Variants in RAB3C observed in about 807,000 individuals in gnomAD.
RAB3C encodes the protein ras-related protein Rab-3C.
A neutral mutation model predicts 26.4 loss-of-function variants in RAB3C; 17 were observed. The observed-to-expected ratio is 0.64, with a 90% CI of 0.44 to 0.97. The LOEUF (loss-of-function observed/expected upper bound fraction) is 0.97. Ranked by LOEUF, RAB3C falls within the 50% of genes least tolerant of loss-of-function variation. The pLI is 0.00. For missense variants in RAB3C, 242 were observed against 281.9 expected, an observed-to-expected ratio of 0.86 and a Z score of 1.01; for synonymous variants, 91 against 95.9, an observed-to-expected ratio of 0.95 and a Z score of 0.30.
intron 2 of RAB3C, among the ~76,000 whole-genome samples, chr5:58,700,456 G>A (rs1748818045): frequency 6.6e-6 from 1 of 152,090 alleles, no homozygotes; most frequent in African/African-American, 2.4e-5. Context: ...TACTGAATAG[G>A]TAACATCCAG....
intron 3 of RAB3C, among the ~76,000 whole-genome samples, chr5:58,737,394 AATATATATATATATATATATAT>A (rs55691242): frequency 0.027 from 1,019 of 38,266 alleles, 55 homozygotes; most frequent in African/African-American, 0.059. Flanking sequence ...CACCCTATGA[AATATATATATATATATATATAT>A]ATATATATAT....
intron 3 of RAB3C, among the ~76,000 whole-genome samples, chr5:58,734,034 G>A (rs1357942130): frequency 6.6e-6 from 1 of 152,104 alleles, no homozygotes; most frequent in Non-Finnish European, 1.5e-5. Flanking sequence ...TTTTTTAAGA[G>A]CAGGAACTCT....
chr5:58,819,874 A>T (rs1743300734), intron 3 of RAB3C, among the ~76,000 whole-genome samples: 1 of 152,166 alleles, frequency 6.6e-6, no homozygotes, highest in African/African-American at 2.4e-5. Context: ...CCTCAAAAAA[A>T]ACTGTGACAT....
intron 2 of RAB3C, among the ~76,000 whole-genome samples, chr5:58,716,361 C>T (rs775402384): frequency 2.0e-5 from 3 of 151,912 alleles, no homozygotes; most frequent in Non-Finnish European, 4.4e-5. Flanking sequence ...AAACAGAAAG[C>T]CAAAGTAAAA....
chr5:58,646,560 G>A (rs1169536190), intron 2 of RAB3C, among the ~76,000 whole-genome samples: 2 of 151,980 alleles, frequency 1.3e-5, no homozygotes, highest in African/African-American at 4.8e-5. Flanking sequence ...GCCTGCTGTG[G>A]GGTTAGAGTG....
intron 2 of RAB3C, among the ~76,000 whole-genome samples, chr5:58,692,207 TCA>T (rs1231659036): frequency 7.9e-5 from 12 of 152,214 alleles, no homozygotes; most frequent in Admixed American, 7.9e-4. Context: ...CATTTTTATC[TCA>T]GTGTTTTATA....
chr5:58,599,396 G>GA (rs1746401024), intron 1 of RAB3C, among the ~76,000 whole-genome samples: 1 of 152,114 alleles, frequency 6.6e-6, no homozygotes, highest in Non-Finnish European at 1.5e-5. Context: ...ATCTAGTCCT[G>GA]AGCTTCAGGA....
At chr5:58,648,857 A>T (rs1747583013) in intron 2 of RAB3C, among the ~76,000 whole-genome samples, 1 of 152,132 alleles carries the variant, frequency 6.6e-6, no homozygotes, top group Admixed American at 6.5e-5. Context: ...CTCCTGGGGG[A>T]CAGTTCTCCT....
intron 3 of RAB3C, among the ~76,000 whole-genome samples, chr5:58,815,096 GCATTTTT>G (rs1431606630): frequency 2.0e-5 from 3 of 152,072 alleles, no homozygotes; most frequent in Non-Finnish European, 4.4e-5. Flanking sequence ...GCATATTGAA[GCATTTTT>G]GGTTTTTCCA....
intron 3 of RAB3C, among the ~76,000 whole-genome samples, chr5:58,820,323 G>T (rs1488590496): frequency 6.6e-6 from 1 of 152,048 alleles, no homozygotes; most frequent in Admixed American, 6.6e-5. Context: ...TTGTAAAATA[G>T]TTTTGATCCT....
chr5:58,706,752 C>T (rs1748951925), intron 2 of RAB3C, among the ~76,000 whole-genome samples: 1 of 152,182 alleles, frequency 6.6e-6, no homozygotes, highest in Non-Finnish European at 1.5e-5. Context: ...TCATTCTTAA[C>T]ATTCTTATGT....
intron 3 of RAB3C, among the ~76,000 whole-genome samples, chr5:58,792,842 T>A (rs1014585206): frequency 1.3e-5 from 2 of 151,792 alleles, no homozygotes; most frequent in African/African-American, 2.4e-5. Context: ...AATAAAAGAT[T>A]TATATATATA....
chr5:58,708,475 A>T (rs900995986), intron 2 of RAB3C, among the ~76,000 whole-genome samples: 4 of 152,172 alleles, frequency 2.6e-5, no homozygotes, highest in African/African-American at 7.2e-5. Flanking sequence ...CATGATCATC[A>T]TGCCTGGCAT....
intron 3 of RAB3C, among the ~76,000 whole-genome samples, chr5:58,752,032 C>T (rs73104318): frequency 0.02 from 2,986 of 151,780 alleles, 103 homozygotes; most frequent in African/African-American, 0.069. Flanking sequence ...CCAGACTTGC[C>T]TAAACTGTTA....
Position 58,851,445 on chromosome 5 carries a change from A to G in RAB3C, c.*94A>G, listed in dbSNP as rs1055274928. 6.9e-6 allele frequency: 7 copies of G among 1,009,228 alleles called. No individual in the cohort carries two copies. In the African/African-American group the frequency reaches 1.1e-4, roughly 16 times the overall value. 62.5% of individuals were successfully genotyped at this position (1,009,228 alleles called of 1,614,324 possible). A position where few individuals can be genotyped will look rare whatever the true frequency, so the allele number is the denominator to read the frequency against. On this transcript the variant is annotated 3_prime_UTR_variant, in exon 5 of 5. Transcript: ENST00000282878. Reference sequence around the variant, plus strand: ...TTAGCCTTCATTTATACTGCCTAACAATTATTTGAAGGAATAAATTGATGT... The same window carrying G: ...TTAGCCTTCATTTATACTGCCTAACGATTATTTGAAGGAATAAATTGATGT...
rs1744137947 is a variant in RAB3C at position 58,852,624 on chromosome 5, C to T, written c.*1273C>T. The T allele has an allele frequency of 6.6e-6, 1 of 152,026 alleles. No individual in the cohort carries two copies. The highest frequency in any genetic ancestry group is 2.1e-4 in the South Asian group (1 of 4,818). 9.4% of individuals were successfully genotyped at this position (152,026 alleles called of 1,614,324 possible). A position where few individuals can be genotyped will look rare whatever the true frequency, so the allele number is the denominator to read the frequency against. The stretch of plus-strand genomic sequence containing the variant: ...ATAGCAATTTAAAAGAGGGAGGAAA[C>T]CACTGGAGCATTCTAATTTTGTATC... On this transcript the variant is annotated 3_prime_UTR_variant, in exon 5 of 5. Transcript: ENST00000282878.
chr5:58,791,674 T>C (rs1280440839), intron 3 of RAB3C, among the ~76,000 whole-genome samples: 1 of 152,244 alleles, frequency 6.6e-6, no homozygotes, highest in Admixed American at 6.5e-5. Context: ...TTTGATTTCA[T>C]AAATAAAGAT....
intron 2 of RAB3C, among the ~76,000 whole-genome samples, chr5:58,641,845 C>G (rs1747418807): frequency 6.6e-6 from 1 of 152,144 alleles, no homozygotes; most frequent in African/African-American, 2.4e-5. Context: ...TGTTCTTTTT[C>G]TCCACTTTTT....
chr5:58,796,919 T>A (rs1742667848), intron 3 of RAB3C, among the ~76,000 whole-genome samples: 1 of 151,638 alleles, frequency 6.6e-6, no homozygotes, highest in African/African-American at 2.4e-5. Context: ...ATGGAATGGA[T>A]GGGAAGGAGG....
Sources: allele counts gnomAD v4.1 joint callset (sites outside exome capture counted in the v4.1 genomes callset), GRCh38; gene constraint gnomAD v4.1.1; transcripts MANE v1.5; gene names NCBI Gene and HGNC (gene_info 2026-07-23, HGNC 2026-07-21).